EDARADD: variants seen among roughly 807,000 people sequenced by gnomAD.
EDARADD encodes EDAR associated via death domain, also known as ectodysplasin-A receptor-associated adapter protein.
EDARADD carries 20 observed loss-of-function variants against 25.6 expected under a neutral mutation model. That is an observed-to-expected ratio of 0.78 (90% confidence interval 0.55 to 1.14). The LOEUF (loss-of-function observed/expected upper bound fraction) is 1.14, where lower values mean the gene tolerates loss of function less well. Among genes scored for constraint, EDARADD ranks in the 50% most tolerant of loss-of-function variants. The pLI is 0.00. For synonymous variants in EDARADD, 86 were observed against 94.4 expected, an observed-to-expected ratio of 0.91 and a Z score of 0.52; for missense variants, 225 against 270.1, an observed-to-expected ratio of 0.83 and a Z score of 1.17.
chr1:236,355,889 G>A (rs1022071285), intron 3 of EDARADD, among the ~76,000 whole-genome samples: 1 of 152,046 alleles, frequency 6.6e-6, no homozygotes, highest in African/African-American at 2.4e-5. Context: ...TAAGGCTCCT[G>A]TCAGTGGATA....
intron 2 of EDARADD, among the ~76,000 whole-genome samples, chr1:236,349,918 C>T (rs1055374229): frequency 1.3e-5 from 2 of 152,130 alleles, no homozygotes; most frequent in Non-Finnish European, 2.9e-5. Flanking sequence ...TCAAGACCAG[C>T]CTGGCCAACA....
At chr1:236,473,594 A>G (rs1659419572) in intron 5 of EDARADD, among the ~76,000 whole-genome samples, 3 of 152,148 alleles carry the variant, frequency 2.0e-5, no homozygotes, top group Non-Finnish European at 2.9e-5. Flanking sequence ...CCTGGGCAAC[A>G]TAGTGAGACC....
At chr1:236,437,890 A>G (rs771660497) in intron 4 of EDARADD, among the ~76,000 whole-genome samples, 1 of 151,860 alleles carries the variant, frequency 6.6e-6, no homozygotes, top group Non-Finnish European at 1.5e-5. Context: ...CTGGGATCAC[A>G]GGCACCCACC....
intron 3 of EDARADD, among the ~76,000 whole-genome samples, chr1:236,419,709 GCT>G (rs1181153434): frequency 1.3e-5 from 2 of 152,140 alleles, no homozygotes; most frequent in Non-Finnish European, 2.9e-5. Context: ...GACCGCTCTA[GCT>G]GTAAAAAGAT....
At chr1:236,436,302 G>A (rs139748927) in intron 4 of EDARADD, among the ~76,000 whole-genome samples, 10 of 151,986 alleles carry the variant, frequency 6.6e-5, no homozygotes, top group South Asian at 6.2e-4. Context: ...AACTACAGGC[G>A]TGCACCACTG....
rs138518799 is a variant in EDARADD, at chr1:236,383,992, C to T, written c.-5-25224C>T. On this transcript the variant is annotated intron_variant, in intron 3 of 7. Transcript: ENST00000439430. ...CACTCTAGCCTGGGTGACAGAGTAA[C>T]ACCTTGTCTCAAAAAAATAAAATAA... 3.1e-4 allele frequency among the ~76,000 whole-genome samples: 47 copies of T among 152,192 alleles called. No individual in the cohort carries two copies. The East Asian group carries it at 7.9e-3, about 26-fold the overall frequency.
At chr1:236,379,461 A>ATACCG (rs1667268143) in intron 3 of EDARADD, among the ~76,000 whole-genome samples, 1 of 152,022 alleles carries the variant, frequency 6.6e-6, no homozygotes, top group Admixed American at 6.6e-5. Context: ...TTCTATTGAA[A>ATACCG]TACCGGTGAT....
intron 4 of EDARADD, among the ~76,000 whole-genome samples, chr1:236,458,869 T>C (rs1167259519): frequency 6.6e-6 from 1 of 152,110 alleles, no homozygotes; most frequent in African/African-American, 2.4e-5. Context: ...TTTGAACTCC[T>C]GAGCTCAGGC....
At chr1:236,425,185 C>T (rs1418356319) in intron 3 of EDARADD, among the ~76,000 whole-genome samples, 3 of 152,220 alleles carry the variant, frequency 2.0e-5, no homozygotes, top group Non-Finnish European at 4.4e-5. Flanking sequence ...GTGTTGGAAG[C>T]AGCAGCGCTA....
Position 236,382,670 on chromosome 1 carries a change from G to A in EDARADD, c.-5-26546G>A, listed in dbSNP as rs143481796. ...GTCTCACTTTTAAGGTTTGTTAGGTGGAACTGGGGCAGGGTGTGCTCAGTC... is the reference window on the plus strand; with the variant it reads ...GTCTCACTTTTAAGGTTTGTTAGGTAGAACTGGGGCAGGGTGTGCTCAGTC... On this transcript the variant is annotated intron_variant, in intron 3 of 7. Transcript: ENST00000439430. 3.5e-3 allele frequency among the ~76,000 whole-genome samples: 534 copies of A among 152,288 alleles called. 3 individuals carry two copies. Among genetic ancestry groups the A allele is most frequent in the African/African-American group, 0.012 (510 of 41,562 alleles).
intron 3 of EDARADD, among the ~76,000 whole-genome samples, chr1:236,361,280 T>C (rs1429785354): frequency 6.6e-6 from 1 of 151,062 alleles, no homozygotes; most frequent in Non-Finnish European, 1.5e-5. Flanking sequence ...CCACTGTCAA[T>C]TCCTTGGTTT....
At chr1:236,445,247 A>ATTTTTTTTTTTTTTTTTT (rs1658503234) in intron 4 of EDARADD, among the ~76,000 whole-genome samples, 2 of 15,632 alleles carry the variant, frequency 1.3e-4, no homozygotes, top group Non-Finnish European at 7.8e-4. Flanking sequence ...TTTTTTTTTG[A>ATTTTTTTTTTTTTTTTTT]GACAGAGTCT....
At chr1:236,394,574 C>T (rs957982161) in intron 1 of EDARADD, 69 bp downstream of exon 1, 15 of 1,442,006 alleles carry the variant, frequency 1.0e-5, no homozygotes, top group Admixed American at 1.9e-5. Context: ...TGCTTATTTA[C>T]GATAATTCTT....
chr1:236,466,459 A>ACACACACACACT (rs1553270447), intron 4 of EDARADD, among the ~76,000 whole-genome samples: 2 of 151,508 alleles, frequency 1.3e-5, no homozygotes, highest in Non-Finnish European at 2.9e-5. Context: ...ACACACACAC[A>ACACACACACACT]CTCACACTCA....
intron 4 of EDARADD, among the ~76,000 whole-genome samples, chr1:236,454,900 G>T (rs1253618): frequency 0.35 from 53,334 of 152,024 alleles, 9,615 homozygotes; most frequent in East Asian, 0.45. Flanking sequence ...GAGATGGAAG[G>T]GTTGCTCCTT....
At chr1:236,364,093 A>G (rs1467636477) in intron 3 of EDARADD, among the ~76,000 whole-genome samples, 2 of 152,162 alleles carry the variant, frequency 1.3e-5, no homozygotes, top group Non-Finnish European at 2.9e-5. Context: ...TGGAGGTTGC[A>G]GTGAGCCAAG....
intron 4 of EDARADD, among the ~76,000 whole-genome samples, chr1:236,442,776 C>T (rs184887712): frequency 1.4e-4 from 22 of 152,344 alleles, no homozygotes; most frequent in Admixed American, 9.8e-4. Context: ...TGTTCCTGGT[C>T]ACCCAAGAGC....
chr1:236,403,769 G>A (rs1000244234), intron 1 of EDARADD, among the ~76,000 whole-genome samples: 1 of 152,150 alleles, frequency 6.6e-6, no homozygotes, highest in Admixed American at 6.6e-5. Context: ...GGTGCAGCCC[G>A]CCCTGCCTGC....
At chr1:236,360,083 G>A (rs569858652) in intron 3 of EDARADD, among the ~76,000 whole-genome samples, 19 of 152,270 alleles carry the variant, frequency 1.2e-4, no homozygotes, top group Admixed American at 1.1e-3. Context: ...GGGAGGCTGA[G>A]GCAGGAGGAT....
Sources: allele counts gnomAD v4.1 joint callset (sites outside exome capture counted in the v4.1 genomes callset), GRCh38; gene constraint gnomAD v4.1.1; transcripts MANE v1.5; gene names NCBI Gene and HGNC (gene_info 2026-07-23, HGNC 2026-07-21).